CNNM4: variants seen among roughly 807,000 people sequenced by gnomAD.
The protein encoded by CNNM4 is cyclin and CBS domain divalent metal cation transport mediator 4.
CNNM4 carries 32 observed loss-of-function variants against 53.7 expected under a neutral mutation model. The observed-to-expected ratio is 0.60, with a 90% CI of 0.45 to 0.80. The LOEUF is 0.80. Ranked by LOEUF, CNNM4 falls within the 30% of genes least tolerant of loss-of-function variation. The pLI, the probability that CNNM4 is intolerant of heterozygous loss-of-function variation, is 0.00. For missense variants in CNNM4, 784 were observed against 1,022.0 expected, an observed-to-expected ratio of 0.77 and a Z score of 3.17; for synonymous variants, 410 against 440.0, an observed-to-expected ratio of 0.93 and a Z score of 0.85.
intron 1 of CNNM4, among the ~76,000 whole-genome samples, chr2:96,778,709 C>T (rs1244758348): frequency 6.6e-6 from 1 of 151,726 alleles, no homozygotes; most frequent in Non-Finnish European, 1.5e-5. Flanking sequence ...GCCTCAGCCT[C>T]CTCAGTAGCT....
In CNNM4 at chr2:96,797,580, G is replaced by A. The variant is rs777167557; in HGVS notation, c.1614G>A (p.Ala538=). ...GTGACTTCTCTGCCTTCAAGGATGC[G>A]GACAATGAGCTCAAAGTGAAAATCT... ...NKRDFSAFKD[A]DNELKVKISP... The change falls in exon 3 of 7, where the codon GCG becomes GCA. Residue 538 remains alanine (A), a synonymous_variant. Transcript: ENST00000377075. The surrounding 1 kb of genome is among the most constrained non-coding windows in gnomAD (Gnocchi z 6.0). The A allele has an allele frequency of 6.2e-6, 10 of 1,614,064 alleles. No homozygotes were observed. The highest frequency in any genetic ancestry group is 2.7e-5 in the African/African-American group (2 of 74,926).
chr2:96,762,383 C>T lies in CNNM4; in HGVS notation c.1384C>T (p.Leu462=), dbSNP rs142333678. The part of the protein sequence containing the change: ...VFHDTKLDAM[L]EEFKKGKSHL... ...CCATGACACCAAGTTGGATGCCATG[C>T]TGGAGGAGTTCAAGAAGGGTAAGGC... The change falls in exon 1 of 7, where the codon CTG becomes TTG. Residue 462 remains leucine (L), a synonymous_variant. Coordinates refer to ENST00000377075, the MANE Select transcript of CNNM4 (RefSeq NM_020184.4). The T allele has an allele frequency of 8.1e-6, 13 of 1,614,140 alleles. No individual in the cohort carries two copies. The East Asian group carries it at 2.2e-4, about 28-fold the overall frequency.
At chr2:96,780,011 G>C (rs1448983347) in intron 1 of CNNM4, among the ~76,000 whole-genome samples, 3 of 151,964 alleles carry the variant, frequency 2.0e-5, no homozygotes, top group Admixed American at 6.6e-5. Context: ...CATGTTGGCT[G>C]GGATGGTCTC....
chr2:96,799,407 C>A, intron 4 of CNNM4, 145 bp from the exon 5 acceptor site: 1 of 1,101,282 alleles, frequency 9.1e-7, no homozygotes, highest in Non-Finnish European at 1.4e-6. Flanking sequence ...CTCTTGATCT[C>A]ACAGGTCAGG....
Position 96,797,370 on chromosome 2 carries a change from G to A in CNNM4, c.1547-143G>A, listed in dbSNP as rs1026869984. On this transcript the variant is annotated intron_variant, in intron 2 of 6. Transcript: ENST00000377075. The surrounding 1 kb of genome is among the most constrained non-coding windows in gnomAD (Gnocchi z 6.0). Reference sequence around the variant, plus strand: ...TCACCCTCGGCCTTTGTGCCTCGGCGTCAGCCCAGGACCCTGCCAGCCAGA... The same window carrying A: ...TCACCCTCGGCCTTTGTGCCTCGGCATCAGCCCAGGACCCTGCCAGCCAGA... 4.0e-5 allele frequency: 56 copies of A among 1,398,210 alleles called. No homozygotes were observed. The highest frequency in any genetic ancestry group is 5.2e-5 in the Non-Finnish European group (52 of 999,156). 86.6% of individuals were successfully genotyped at this position (1,398,210 alleles called of 1,614,324 possible).
rs756063575 is a variant in CNNM4, at chr2:96,797,654, T to A, written c.1681+7T>A. 6.2e-7 allele frequency: 1 copy of A among 1,613,692 alleles called. No homozygotes were observed. The highest frequency in any genetic ancestry group is 2.2e-5 in the East Asian group (1 of 44,866). On this transcript the variant is annotated splice_region_variant and intron_variant, in intron 3 of 6. Coordinates refer to ENST00000377075, the MANE Select transcript of CNNM4 (RefSeq NM_020184.4). The surrounding 1 kb of genome is among the most constrained non-coding windows in gnomAD (Gnocchi z 6.0). Reference sequence around the variant, plus strand: ...CATCGCTTCCTAGCCACAGGTAGCATGAGGAGGACCTTCCGGTCTTGGTGG... The same window carrying A: ...CATCGCTTCCTAGCCACAGGTAGCAAGAGGAGGACCTTCCGGTCTTGGTGG...
chr2:96,805,434 T>A (rs1164214423), intron 5 of CNNM4, among the ~76,000 whole-genome samples: 51 of 139,404 alleles, frequency 3.7e-4, no homozygotes, highest in African/African-American at 4.6e-4. Flanking sequence ...TTTTTTTTTT[T>A]TTTTTATTAT....
chr2:96,778,945 GATTT>G (rs1223106840), intron 1 of CNNM4, among the ~76,000 whole-genome samples: 1 of 151,878 alleles, frequency 6.6e-6, no homozygotes, highest in Non-Finnish European at 1.5e-5. Flanking sequence ...GAGACTGGGT[GATTT>G]ATTTATTTTA....
Position 96,809,360 on chromosome 2 carries a change from G to C in CNNM4, c.2171G>C (p.Arg724Pro), listed in dbSNP as rs771341175. 1 of 1,613,974 alleles carries C rather than the reference G, an allele frequency of 6.2e-7. No individual in the cohort carries two copies. Among genetic ancestry groups the C allele is most frequent in the African/African-American group, 1.3e-5 (1 of 74,888 alleles). ...TACCAGAACGGGCTGCTGGCTTCTC[G>C]CATGGAGAACAGCCCTCAGTTTCCC... ...QQYQNGLLAS[R>P]MENSPQFPID... The change falls in exon 7 of 7, where the codon CGC becomes CCC. Residue 724 changes from arginine to proline, a missense_variant. By Grantham distance (103) the Arg-to-Pro change is moderately radical (BLOSUM62 -2). This residue lies in a region of CNNM4 where 307 missense variants were observed against 376.3 expected (regional missense o/e 0.82). Coordinates refer to ENST00000377075, the MANE Select transcript of CNNM4 (RefSeq NM_020184.4).
intron 5 of CNNM4, 78 bp downstream of exon 5, chr2:96,799,726 G>A (rs2079141730): frequency 8.3e-7 from 1 of 1,207,728 alleles, no homozygotes; most frequent in Non-Finnish European, 1.2e-6. Flanking sequence ...CCAGAACTGA[G>A]CATGGGCCCG....
chr2:96,785,457 C>T (rs1041242928), intron 1 of CNNM4, among the ~76,000 whole-genome samples: 5 of 150,816 alleles, frequency 3.3e-5, no homozygotes, highest in Non-Finnish European at 5.9e-5. Flanking sequence ...GGCAACATGG[C>T]GAAACCCCAT....
Position 96,807,262 on chromosome 2 carries a change from GCCT to G in CNNM4, c.1949-1295_1949-1293del, listed in dbSNP as rs568031374. 3.1e-3 allele frequency among the ~76,000 whole-genome samples: 473 copies of G among 152,270 alleles called. 3 individuals carry two copies. Among genetic ancestry groups the G allele is most frequent in the African/African-American group, 0.011 (466 of 41,550 alleles). ...CGGCTCAAGCAATCTGCCCGCATCGGCCTCCTAAGGTGCTTACAGGTGTGAGCC... is the reference window on the plus strand; with the variant it reads ...CGGCTCAAGCAATCTGCCCGCATCGGCCTAAGGTGCTTACAGGTGTGAGCC... On this transcript the variant is annotated intron_variant, in intron 5 of 6. Coordinates refer to ENST00000377075, the MANE Select transcript of CNNM4 (RefSeq NM_020184.4).
Position 96,762,002 on chromosome 2 carries a change from G to C in CNNM4, c.1003G>C (p.Val335Leu). 6.2e-7 allele frequency: 1 copy of C among 1,614,132 alleles called. No individual in the cohort carries two copies. Among genetic ancestry groups the C allele is most frequent in the Non-Finnish European group, 8.5e-7 (1 of 1,180,032 alleles). ...TTTTCTGGGCCAGGAGATTCGCACTGTTTACAACCGGGAGAAGCTGATGGA... is the reference window on the plus strand; with the variant it reads ...TTTTCTGGGCCAGGAGATTCGCACTCTTTACAACCGGGAGAAGCTGATGGA... ...DFFLGQEIRT[V>L]YNREKLMEML... The change falls in exon 1 of 7, where the codon GTT becomes CTT. Residue 335 changes from valine to leucine, a missense_variant. Physicochemically the swap from Val to Leu is conservative, Grantham distance 32 (BLOSUM62 1). Around this residue, in one of 3 missense-constraint regions of CNNM4, gnomAD observed 473 missense variants for 624.6 expected, o/e 0.76. Transcript: ENST00000377075.
chr2:96,772,838 C>A (rs1456429577), intron 1 of CNNM4, among the ~76,000 whole-genome samples: 1 of 147,980 alleles, frequency 6.8e-6, no homozygotes, highest in South Asian at 2.2e-4. Context: ...GGCAGGCTCA[C>A]TCCCACCCAT....
intron 5 of CNNM4, among the ~76,000 whole-genome samples, chr2:96,807,672 T>G (rs1574088497): frequency 6.6e-6 from 1 of 150,792 alleles, no homozygotes; most frequent in African/African-American, 2.4e-5. Context: ...GAGGCGGAGG[T>G]TGCAGTGAGC....
chr2:96,804,660 C>CA (rs1470600801), intron 5 of CNNM4, among the ~76,000 whole-genome samples: 1 of 151,994 alleles, frequency 6.6e-6, no homozygotes, highest in Non-Finnish European at 1.5e-5. Flanking sequence ...CTCGGCCTCC[C>CA]AACGTGCTGG....
rs752975719 is a variant in CNNM4, at chr2:96,808,628, CGTCTCAACT to C, written c.2018_2026del (p.Val673_Thr675del). On this transcript the variant is annotated inframe_deletion, in exon 6 of 7. Transcript: ENST00000377075. The surrounding 1 kb of genome is among the most constrained non-coding windows in gnomAD (Gnocchi z 4.9). ...CCCTCAGTTACCCAGACCGCACAGA[CGTCTCAACT>C]GCAGCAACCTTGGCAGGCAGCAGCA... The C allele has an allele frequency of 1.3e-5, 21 of 1,614,022 alleles. No homozygotes were observed. In the South Asian group the frequency reaches 2.3e-4, roughly 18 times the overall value.
At chr2:96,806,323 A>T (rs567650348) in intron 5 of CNNM4, among the ~76,000 whole-genome samples, 2 of 152,272 alleles carry the variant, frequency 1.3e-5, no homozygotes, top group South Asian at 4.1e-4. Context: ...AGTCATAAAG[A>T]CTTGAACTCA....
In CNNM4 at chr2:96,800,072, A is replaced by G. The variant is rs1307597491; in HGVS notation, c.1948+424A>G. ...GCCTGTTTGCCAGGGCAGGCTGCAG[A>G]TGGGTTTGGCTTTTCGGAGGACGCG... On this transcript the variant is annotated intron_variant, in intron 5 of 6. Transcript: ENST00000377075. The surrounding 1 kb of genome is among the most constrained non-coding windows in gnomAD (Gnocchi z 4.6). Among the ~76,000 whole-genome samples, 1 of 151,820 alleles carries G rather than the reference A, an allele frequency of 6.6e-6. No homozygotes were observed. Among genetic ancestry groups the G allele is most frequent in the Non-Finnish European group, 1.5e-5 (1 of 67,918 alleles).
Sources: allele counts gnomAD v4.1 joint callset (sites outside exome capture counted in the v4.1 genomes callset), GRCh38; gene constraint gnomAD v4.1.1; regional missense constraint gnomAD v4.1.1; non-coding constraint Gnocchi (gnomAD v3.1); transcripts MANE v1.5; gene names NCBI Gene and HGNC (gene_info 2026-07-23, HGNC 2026-07-21).